Variants in DPH6 observed in about 807,000 individuals in gnomAD.
The protein encoded by DPH6 is diphthine--ammonia ligase.
DPH6 carries 33 observed loss-of-function variants against 38.2 expected under a neutral mutation model. The ratio of observed to expected loss-of-function variants is 0.86; its 90% CI spans 0.65 to 1.15. The LOEUF (loss-of-function observed/expected upper bound fraction) is 1.15. DPH6 is among the 50% of genes most tolerant of loss of function. The probability of loss-of-function intolerance (pLI) is 0.00; values close to 1 mark genes in which losing one functional copy is unlikely to be tolerated. For synonymous variants in DPH6, 108 were observed against 103.0 expected, an observed-to-expected ratio of 1.05 and a Z score of -0.30; for missense variants, 325 against 320.0, an observed-to-expected ratio of 1.02 and a Z score of -0.12.
intron 3 of DPH6, among the ~76,000 whole-genome samples, chr15:35,272,905 T>TAA (rs1194919921): frequency 7.9e-5 from 11 of 138,824 alleles, no homozygotes; most frequent in African/African-American, 2.1e-4. Context: ...AGACCCCATC[T>TAA]AAAAAAAAAA....
chr15:35,229,504 T>C (rs2051503123), intron 3 of DPH6, among the ~76,000 whole-genome samples: 1 of 152,212 alleles, frequency 6.6e-6, no homozygotes, highest in African/African-American at 2.4e-5. Context: ...ATTTTCTGTC[T>C]GAAAGGTCAC....
intron 3 of DPH6, chr15:35,298,700 C>A: frequency 6.3e-7 from 1 of 1,579,624 alleles, no homozygotes. Flanking sequence ...CAGACCCTGG[C>A]CCTCCCGGAA....
chr15:35,240,886 C>T (rs2051593161), intron 3 of DPH6, among the ~76,000 whole-genome samples: 1 of 143,196 alleles, frequency 7.0e-6, no homozygotes, highest in Non-Finnish European at 1.5e-5. Context: ...TTTAATTAAC[C>T]TCGCCTTCAA....
intron 3 of DPH6, among the ~76,000 whole-genome samples, chr15:35,318,890 T>G (rs2052216085): frequency 6.6e-6 from 1 of 152,206 alleles, no homozygotes; most frequent in East Asian, 1.9e-4. Context: ...ATCAAGGTCT[T>G]GCATTTTAAA....
intron 3 of DPH6, among the ~76,000 whole-genome samples, chr15:35,357,249 G>A (rs552635019): frequency 2.8e-4 from 43 of 152,286 alleles, no homozygotes; most frequent in African/African-American, 9.6e-4. Flanking sequence ...GCGATGCCTC[G>A]CCCTGCTTCA....
chr15:35,267,419 T>C (rs2051790117), intron 3 of DPH6, among the ~76,000 whole-genome samples: 1 of 152,228 alleles, frequency 6.6e-6, no homozygotes, highest in Non-Finnish European at 1.5e-5. Context: ...ATGCTATTTT[T>C]TCACCTATCA....
chr15:35,403,162 C>T (rs964919054), intron 6 of DPH6, among the ~76,000 whole-genome samples: 1 of 152,014 alleles, frequency 6.6e-6, no homozygotes, highest in Non-Finnish European at 1.5e-5. Context: ...GGAAATAAAT[C>T]ATGAGGGAAT....
At chr15:35,479,910 C>T (rs2054306844) in intron 3 of DPH6, among the ~76,000 whole-genome samples, 1 of 151,744 alleles carries the variant, frequency 6.6e-6, no homozygotes, top group African/African-American at 2.4e-5. Context: ...ATACTAGGAC[C>T]CATTCTCTAG....
chr15:35,341,751 T>A lies in DPH6; in HGVS notation n.208-10674A>T, dbSNP rs145046461. On this transcript the variant is annotated intron_variant and non_coding_transcript_variant, in intron 3 of 3. Transcript: ENST00000558973. ...CCTGCTCCTTCCTCTGAAAGCTCTG[T>A]CCCAGGGGGGTACTGACCTGTCGCT... Among the ~76,000 whole-genome samples, 130 of 152,286 alleles carry A rather than the reference T, an allele frequency of 8.5e-4. 1 individual carries two copies. The highest frequency in any genetic ancestry group is 1.6e-3 in the Non-Finnish European group (109 of 68,020).
At chr15:35,413,194 A>T (rs933106313) in intron 5 of DPH6, among the ~76,000 whole-genome samples, 2 of 151,746 alleles carry the variant, frequency 1.3e-5, no homozygotes, top group African/African-American at 4.8e-5. Flanking sequence ...GGTCTAGAGC[A>T]TAATCAAATT....
intron 6 of DPH6, among the ~76,000 whole-genome samples, chr15:35,394,793 A>T (rs2053109167): frequency 6.6e-6 from 1 of 152,198 alleles, no homozygotes; most frequent in South Asian, 2.1e-4. Flanking sequence ...GAATGCCAAA[A>T]GTGCCGTCTA....
chr15:35,272,277 T>C (rs79795794), intron 3 of DPH6, among the ~76,000 whole-genome samples: 3,172 of 152,248 alleles, frequency 0.021, 108 homozygotes, highest in African/African-American at 0.072. Context: ...ACTATGGCCA[T>C]TTAATATAAG....
At chr15:35,228,845 A>G (rs535760427) in intron 3 of DPH6, among the ~76,000 whole-genome samples, 10 of 152,086 alleles carry the variant, frequency 6.6e-5, no homozygotes, top group Non-Finnish European at 1.5e-4. Flanking sequence ...CCAGGGTAAA[A>G]GTTTTTAGCA....
At chr15:35,216,397 G>GT (rs2051411139), downstream of DPH6, among the ~76,000 whole-genome samples, 1 of 152,110 alleles carries the variant, frequency 6.6e-6, no homozygotes, top group Non-Finnish European at 1.5e-5. Context: ...AATTATAACA[G>GT]TAATTTTTTC....
At chr15:35,291,632 C>A (rs1478416286) in intron 3 of DPH6, among the ~76,000 whole-genome samples, 1 of 152,060 alleles carries the variant, frequency 6.6e-6, no homozygotes, top group East Asian at 1.9e-4. Flanking sequence ...TTCTTATAAT[C>A]TCTTAATGTT....
chr15:35,375,630 C>G (rs1273876407), intron 7 of DPH6, among the ~76,000 whole-genome samples: 1 of 152,108 alleles, frequency 6.6e-6, no homozygotes, highest in Non-Finnish European at 1.5e-5. Flanking sequence ...CTCCATTAAT[C>G]AGTGTAGCAG....
chr15:35,408,301 C>A (rs899777749), intron 6 of DPH6, among the ~76,000 whole-genome samples: 1 of 151,824 alleles, frequency 6.6e-6, no homozygotes, highest in African/African-American at 2.4e-5. Context: ...AGGCAAGAAG[C>A]AACAGGAATT....
At chr15:35,515,852 T>A (rs1170647089) in intron 3 of DPH6, among the ~76,000 whole-genome samples, 2 of 151,946 alleles carry the variant, frequency 1.3e-5, no homozygotes, top group East Asian at 1.9e-4. Flanking sequence ...GAATTATGCT[T>A]GTAGCACTGC....
intron 3 of DPH6, among the ~76,000 whole-genome samples, chr15:35,459,582 TA>T (rs1057502479): frequency 2.0e-5 from 3 of 152,144 alleles, no homozygotes; most frequent in African/African-American, 7.2e-5. Context: ...TATAGGAATA[TA>T]TGTGGGTGTT....
Sources: allele counts gnomAD v4.1 joint callset (sites outside exome capture counted in the v4.1 genomes callset), GRCh38; gene constraint gnomAD v4.1.1; transcripts MANE v1.5; gene names NCBI Gene and HGNC (gene_info 2026-07-23, HGNC 2026-07-21).